JAK2: variants seen among roughly 807,000 people sequenced by gnomAD.
The protein encoded by JAK2 is Janus kinase 2.
In JAK2, 86 loss-of-function variants were observed where a neutral mutation model predicts 139.3. That is an observed-to-expected ratio of 0.62 (90% CI 0.52 to 0.74). The LOEUF (loss-of-function observed/expected upper bound fraction) is 0.74, where lower values mean the gene tolerates loss of function less well. Among genes scored for constraint, JAK2 ranks in the 30% least tolerant of loss-of-function variants. The pLI, the probability that JAK2 is intolerant of heterozygous loss-of-function variation, is 0.00. For synonymous variants in JAK2, 490 were observed against 437.7 expected, an observed-to-expected ratio of 1.12 and a Z score of -1.49; for missense variants, 1,421 against 1,360.3, an observed-to-expected ratio of 1.04 and a Z score of -0.70.
At chr9:5,095,623 C>A (rs1051227624) in intron 22 of JAK2, among the ~76,000 whole-genome samples, 1 of 152,050 alleles carries the variant, frequency 6.6e-6, no homozygotes, top group Admixed American at 6.5e-5. Flanking sequence ...CCTCACATGA[C>A]AAAAACTAGC....
At chr9:5,049,762 G>A (rs954300915) in intron 5 of JAK2, among the ~76,000 whole-genome samples, 3 of 152,110 alleles carry the variant, frequency 2.0e-5, no homozygotes, top group African/African-American at 7.2e-5. Context: ...ATCATGTATT[G>A]TACTTATACA....
At chr9:5,113,191 CTTTTTTT>C (rs531374595) in intron 22 of JAK2, among the ~76,000 whole-genome samples, 10 of 57,160 alleles carry the variant, frequency 1.7e-4, no homozygotes, top group Non-Finnish European at 2.0e-4. Flanking sequence ...CTGGCAGGAG[CTTTTTTT>C]TTTTTTTTTT....
chr9:5,077,612 C>T lies in JAK2; in HGVS notation c.1992+32C>T, dbSNP rs1035455865. ...AGTACAACCTTTTTATCAAAAGATA[C>T]TATTTTATTTTATAAAACAATATAC... On this transcript the variant is annotated intron_variant, in intron 15 of 24. Transcript: ENST00000381652. 6 of 1,367,814 alleles carry T rather than the reference C, an allele frequency of 4.4e-6. No individual in the cohort carries two copies. The East Asian group carries it at 1.4e-4, about 32-fold the overall frequency. The allele number at this position is 1,367,814 out of a possible 1,614,324, so 84.7% of individuals were successfully genotyped here. A position where few individuals can be genotyped will look rare whatever the true frequency, so the allele number is the denominator to read the frequency against.
intron 13 of JAK2, 66 bp downstream of exon 13, chr9:5,072,692 C>G (rs1819048049): frequency 3.3e-6 from 4 of 1,200,728 alleles, no homozygotes; most frequent in Non-Finnish European, 4.5e-6. Flanking sequence ...CATATGCATA[C>G]AACGTACTCA....
intron 3 of JAK2, among the ~76,000 whole-genome samples, chr9:5,023,973 T>G (rs1308952904): frequency 6.6e-6 from 1 of 152,102 alleles, no homozygotes; most frequent in Non-Finnish European, 1.5e-5. Flanking sequence ...ATTTTTAGCT[T>G]GGGCCGGGCA....
chr9:5,033,875 A>G (rs141361339), intron 4 of JAK2, among the ~76,000 whole-genome samples: 48 of 152,314 alleles, frequency 3.2e-4, no homozygotes, highest in African/African-American at 1.1e-3. Context: ...GACCGGATCA[A>G]ATTCACCCAT....
intron 22 of JAK2, chr9:5,109,864 C>T (rs868075900): frequency 3.3e-5 from 5 of 152,168 alleles, no homozygotes; most frequent in African/African-American, 1.2e-4. Context: ...CAATATTCCA[C>T]CAACAAACTC....
At chr9:5,029,647 C>G in intron 3 of JAK2, 136 bp from the exon 4 acceptor site, 3 of 690,446 alleles carry the variant, frequency 4.3e-6, no homozygotes, top group Admixed American at 3.2e-5. Flanking sequence ...GTTGGTATAT[C>G]AAAAGATTTC....
intron 22 of JAK2, among the ~76,000 whole-genome samples, chr9:5,117,152 T>G (rs1433172508): frequency 1.3e-5 from 2 of 152,206 alleles, no homozygotes; most frequent in African/African-American, 4.8e-5. Flanking sequence ...ACCACACACC[T>G]GAACCTGCCA....
At chr9:4,993,082 C>G (rs1327493) in intron 2 of JAK2, among the ~76,000 whole-genome samples, 21,469 of 152,156 alleles carry the variant, frequency 0.14, 3,797 homozygotes, top group African/African-American at 0.42. Flanking sequence ...CTGTCCCTTT[C>G]ATTCCAAGCT....
intron 4 of JAK2, among the ~76,000 whole-genome samples, chr9:5,037,022 A>T (rs1816092925): frequency 6.6e-6 from 1 of 152,162 alleles, no homozygotes; most frequent in African/African-American, 2.4e-5. Context: ...ACAAGAAAAC[A>T]ACAACCCCAT....
rs138933145 is a variant in JAK2, at chr9:5,092,007, G to C, written c.3059+1096G>C. The stretch of plus-strand genomic sequence containing the variant: ...GCGAAGATACTGCCGATTGCTAGGT[G>C]CTGAACTGAGTTAATTCGGAGAGGA... On this transcript the variant is annotated intron_variant, in intron 22 of 24. Transcript: ENST00000381652. 5.5e-3 allele frequency among the ~76,000 whole-genome samples: 830 copies of C among 152,202 alleles called. 1 individual carries two copies. Among genetic ancestry groups the C allele is most frequent in the Non-Finnish European group, 9.0e-3 (615 of 68,014 alleles).
chr9:5,064,853 G>T (rs775791106), intron 8 of JAK2, 30 bp from the exon 9 acceptor site: 4 of 1,478,266 alleles, frequency 2.7e-6, no homozygotes, highest in African/African-American at 1.4e-5. Flanking sequence ...TTTCTAAAAG[G>T]TGCTATTTCT....
intron 2 of JAK2, among the ~76,000 whole-genome samples, chr9:5,004,956 G>A (rs527670705): frequency 1.6e-4 from 23 of 139,660 alleles, no homozygotes; most frequent in African/African-American, 5.5e-4. Context: ...TTGCTCTGTT[G>A]CCTAGGCTGA....
At chr9:5,047,946 A>G (rs1206717353) in intron 5 of JAK2, among the ~76,000 whole-genome samples, 3 of 152,144 alleles carry the variant, frequency 2.0e-5, no homozygotes, top group Non-Finnish European at 4.4e-5. Context: ...CTGAGGGTAC[A>G]TACTATAATA....
rs529137780 is a variant in JAK2, at chr9:5,068,715, A to G, written c.1327-307A>G. On this transcript the variant is annotated intron_variant, in intron 10 of 24. Coordinates refer to ENST00000381652, the MANE Select transcript of JAK2 (RefSeq NM_004972.4). The stretch of plus-strand genomic sequence containing the variant: ...GCTCATGGAAGGCTCTATATGCTAC[A>G]TTTGTTTTAGGCTTTATCTTATAAA... Among the ~76,000 whole-genome samples the G allele has an allele frequency of 2.6e-4, 40 of 152,346 alleles. No individual in the cohort carries two copies. The South Asian group carries it at 4.6e-3, about 17-fold the overall frequency.
At chr9:5,111,352 G>A (rs1041413080) in intron 22 of JAK2, 10 of 410,386 alleles carry the variant, frequency 2.4e-5, no homozygotes, top group East Asian at 1.2e-4. Context: ...GGGACCTCCC[G>A]GTACTACCCC....
At chr9:5,074,359 C>T (rs11999932) in intron 14 of JAK2, among the ~76,000 whole-genome samples, 13,065 of 152,072 alleles carry the variant, frequency 0.086, 1,733 homozygotes, top group African/African-American at 0.29. Context: ...TGAAGGTTTA[C>T]GGCAACCCAG....
At chr9:4,995,767 T>C (rs1259979662) in intron 2 of JAK2, among the ~76,000 whole-genome samples, 1 of 152,252 alleles carries the variant, frequency 6.6e-6, no homozygotes, top group Non-Finnish European at 1.5e-5. Context: ...TTGCCAATTA[T>C]TCATTTTAGT....
Sources: allele counts gnomAD v4.1 joint callset (sites outside exome capture counted in the v4.1 genomes callset), GRCh38; gene constraint gnomAD v4.1.1; transcripts MANE v1.5; gene names NCBI Gene and HGNC (gene_info 2026-07-23, HGNC 2026-07-21).